P2RX6: variants seen among roughly 807,000 people sequenced by gnomAD.
P2RX6 encodes the protein P2X purinoceptor 6.
P2RX6 carries 62 observed loss-of-function variants against 54.2 expected under a neutral mutation model. The ratio of observed to expected loss-of-function variants is 1.14; its 90% confidence interval spans 0.93 to 1.41. P2RX6 has a LOEUF of 1.41. P2RX6 is among the 40% of genes most tolerant of loss of function. The pLI is 0.00. For missense variants in P2RX6, 541 were observed against 566.3 expected (o/e 0.96, Z 0.45); for synonymous variants, 211 against 231.9 (o/e 0.91, Z 0.82).
Position 21,026,169 on chromosome 22 carries a change from A to C in P2RX6, c.1051-83A>C. ...ATGCTGGAGCCTCCGGTGCCTGCACATTGAGTCTCGGGGTGCAGGCTGGGG... is the reference window on the plus strand; with the variant it reads ...ATGCTGGAGCCTCCGGTGCCTGCACCTTGAGTCTCGGGGTGCAGGCTGGGG... On this transcript the variant is annotated intron_variant, in intron 10 of 11. Transcript: ENST00000413302. The surrounding 1 kb of genome is among the most constrained non-coding windows in gnomAD (Gnocchi z 4.0). 1 of 1,522,946 alleles carries C rather than the reference A, an allele frequency of 6.6e-7. No individual in the cohort carries two copies. Among genetic ancestry groups the C allele is most frequent in the Non-Finnish European group, 8.9e-7 (1 of 1,118,284 alleles). 94.3% of individuals were successfully genotyped at this position (1,522,946 alleles called of 1,614,324 possible).
intron 4 of P2RX6, 72 bp from the exon 5 acceptor site, chr22:21,022,870 C>A: frequency 6.6e-7 from 1 of 1,513,934 alleles, no homozygotes; most frequent in Non-Finnish European, 9.1e-7. Flanking sequence ...TTTCTGCCAA[C>A]AACCCCCTGG....
At chr22:21,010,571 TAA>T (rs1925682815), upstream of P2RX6, among the ~76,000 whole-genome samples, 1 of 152,052 alleles carries the variant, frequency 6.6e-6, no homozygotes, top group South Asian at 2.1e-4. Context: ...GGCATTCCCC[TAA>T]GAGTTTGGTT....
rs1001013939 is a variant in P2RX6, at chr22:21,024,571, C to T, written c.890+953C>T. Among the ~76,000 whole-genome samples, 57 of 149,386 alleles carry T rather than the reference C, an allele frequency of 3.8e-4. 1 individual carries two copies. Among genetic ancestry groups the T allele is most frequent in the African/African-American group, 1.3e-3 (53 of 40,572 alleles). On this transcript the variant is annotated intron_variant, in intron 8 of 11. Coordinates refer to ENST00000413302, the MANE Select transcript of P2RX6 (RefSeq NM_005446.5). ...GATTACAGGCGTGAGCCACCACGCC[C>T]GACCTTTTTTTTTGAAACGGAGTTT...
At chr22:21,019,185 G>A (rs571504135) in intron 3 of P2RX6, among the ~76,000 whole-genome samples, 5 of 152,164 alleles carry the variant, frequency 3.3e-5, no homozygotes, top group Non-Finnish European at 7.3e-5. Flanking sequence ...CAACATTTAC[G>A]TGCCTCCTGG....
Position 21,025,873 on chromosome 22 carries a change from G to A in P2RX6, c.959G>A (p.Arg320His), listed in dbSNP as rs376675108. The A allele has an allele frequency of 5.1e-6, 8 of 1,575,302 alleles. No individual in the cohort carries two copies. Among genetic ancestry groups the A allele is most frequent in the South Asian group, 2.3e-5 (2 of 85,730 alleles). The change falls in exon 9 of 12, where the codon CGC becomes CAC. Residue 320 changes from arginine (R) to histidine (H), a missense_variant. Physicochemically the swap from Arg to His is conservative, Grantham distance 29. This residue lies in a region of P2RX6 where 526 missense variants were observed against 531.5 expected (regional missense o/e 0.99). Coordinates refer to ENST00000413302, the MANE Select transcript of P2RX6 (RefSeq NM_005446.5). ...ARTLLKLYGI[R>H]FDILVTGQAG... Reference sequence around the variant, plus strand: ...ACCCTGCTCAAGCTCTATGGAATCCGCTTCGACATCCTCGTCACCGGGCAG... The same window carrying A: ...ACCCTGCTCAAGCTCTATGGAATCCACTTCGACATCCTCGTCACCGGGCAG...
chr22:21,023,237 T>C lies in P2RX6; in HGVS notation c.639-38T>C, dbSNP rs377020977. 66 of 1,613,804 alleles carry C rather than the reference T, an allele frequency of 4.1e-5. 1 individual carries two copies. The highest frequency in any genetic ancestry group is 5.4e-5 in the Non-Finnish European group (64 of 1,179,852). On this transcript the variant is annotated intron_variant, in intron 6 of 11. Transcript: ENST00000413302. Reference sequence around the variant, plus strand: ...GTCTCATCTGCCCCAAGACCCTCCTTGTCCCCTACCTCATCTGACCTTTCC... The same window carrying C: ...GTCTCATCTGCCCCAAGACCCTCCTCGTCCCCTACCTCATCTGACCTTTCC...
In P2RX6 at chr22:21,023,564, C is replaced by T. The variant is rs777151113; in HGVS notation, c.836C>T (p.Ser279Phe). ...HWDCDLDTGD[S>F]GCWPHYSFQL... Reference sequence around the variant, plus strand: ...GATTGTGACCTGGACACCGGGGACTCTGGCTGCTGGCCTCACTACTCCTTC... The same window carrying T: ...GATTGTGACCTGGACACCGGGGACTTTGGCTGCTGGCCTCACTACTCCTTC... Residue 279 changes from serine (S) to phenylalanine (F), a missense_variant, in exon 8 of 12, where the codon TCT (serine) becomes TTT (phenylalanine). Coordinates refer to ENST00000413302, the MANE Select transcript of P2RX6 (RefSeq NM_005446.5). 38 of 1,613,452 alleles carry T rather than the reference C, an allele frequency of 2.4e-5. No homozygotes were observed. In the African/African-American group the frequency reaches 4.4e-4, roughly 19 times the overall value.
intron 2 of P2RX6, among the ~76,000 whole-genome samples, chr22:21,016,789 T>TCCCTCCAC (rs1450612074): frequency 3.9e-5 from 6 of 152,046 alleles, no homozygotes; most frequent in Non-Finnish European, 7.4e-5. Flanking sequence ...GGCTGCGTTT[T>TCCCTCCAC]CCTCCTCCCT....
In P2RX6 at chr22:21,026,213, C is replaced by T. The variant is rs1440380255; in HGVS notation, c.1051-39C>T. On this transcript the variant is annotated intron_variant, in intron 10 of 11. Coordinates refer to ENST00000413302, the MANE Select transcript of P2RX6 (RefSeq NM_005446.5). The surrounding 1 kb of genome is among the most constrained non-coding windows in gnomAD (Gnocchi z 4.0). ...GCTGGGGAGGTGGCAGGAGAGCAGG[C>T]TCGGGGGCTGGAACATGGGTTGGCC... The T allele has an allele frequency of 1.3e-6, 2 of 1,558,314 alleles. No individual in the cohort carries two copies. Among genetic ancestry groups the T allele is most frequent in the Non-Finnish European group, 1.7e-6 (2 of 1,149,824 alleles).
chr22:21,011,746 A>G (rs2147988180), upstream of P2RX6, among the ~76,000 whole-genome samples: 1 of 148,370 alleles, frequency 6.7e-6, no homozygotes, highest in Middle Eastern at 3.6e-3. Flanking sequence ...TCTGGCTCCC[A>G]ATGGCTGGGT....
chr22:21,016,465 T>C (rs1375965110), intron 2 of P2RX6, among the ~76,000 whole-genome samples: 1 of 151,660 alleles, frequency 6.6e-6, no homozygotes, highest in Admixed American at 6.6e-5. Flanking sequence ...GGTGGGCGCC[T>C]GTAGTCGCAG....
chr22:21,011,791 C>T (rs2147988244), upstream of P2RX6, among the ~76,000 whole-genome samples: 1 of 152,270 alleles, frequency 6.6e-6, no homozygotes, highest in Non-Finnish European at 1.5e-5. Context: ...CCCTGTGTGC[C>T]CACCAGCTTC....
intron 3 of P2RX6, among the ~76,000 whole-genome samples, chr22:21,019,435 C>T (rs1363954245): frequency 6.6e-6 from 1 of 152,156 alleles, no homozygotes; most frequent in African/African-American, 2.4e-5. Context: ...CCTGCTCACC[C>T]CCTGAGTAGC....
intron 8 of P2RX6, among the ~76,000 whole-genome samples, chr22:21,025,108 T>C (rs1200604846): frequency 6.6e-6 from 1 of 151,914 alleles, no homozygotes; most frequent in Admixed American, 6.6e-5. Flanking sequence ...CTCGAACTCC[T>C]GACCTCAGGT....
chr22:21,026,860 G>T lies in P2RX6; in HGVS notation c.*243G>T. On this transcript the variant is annotated 3_prime_UTR_variant, in exon 12 of 12. Transcript: ENST00000413302. The surrounding 1 kb of genome is among the most constrained non-coding windows in gnomAD (Gnocchi z 4.0). ...GACTGGGAGAGCCCAGCAGGCACCT[G>T]TATTGCAGGGCTCCGACTGCATGTG... 2.7e-6 allele frequency: 2 copies of T among 730,860 alleles called. No individual in the cohort carries two copies. The highest frequency in any genetic ancestry group is 4.3e-6 in the Non-Finnish European group (2 of 465,816). 45.3% of individuals were successfully genotyped at this position (730,860 alleles called of 1,614,324 possible).
chr22:21,018,545 T>C (rs766065716), intron 3 of P2RX6: 13 of 189,936 alleles, frequency 6.8e-5, no homozygotes, highest in South Asian at 2.2e-4. Flanking sequence ...GCAGCTTTCA[T>C]CTTTGTGGGC....
rs547223444 is a variant in P2RX6 at position 21,020,186 on chromosome 22, C to T, written c.387+2126C>T. The stretch of plus-strand genomic sequence containing the variant: ...GTTTGTAGACCGTTCTGAAATTTGG[C>T]TGGATCTGTGGGTCTGTGTTTTTCA... On this transcript the variant is annotated intron_variant, in intron 3 of 11. Coordinates refer to ENST00000413302, the MANE Select transcript of P2RX6 (RefSeq NM_005446.5). Among the ~76,000 whole-genome samples the T allele has an allele frequency of 1.3e-4, 20 of 152,328 alleles. No homozygotes were observed. The South Asian group carries it at 4.1e-3, about 32-fold the overall frequency.
chr22:21,012,549 C>T (rs1423486476), upstream of P2RX6: 6 of 620,840 alleles, frequency 9.7e-6, no homozygotes, highest in African/African-American at 1.9e-5. Context: ...TGCTTTTGCT[C>T]AGGGCACCTG....
In P2RX6 at chr22:21,023,349, G is replaced by C; in HGVS notation, c.713G>C (p.Cys238Ser). 2 of 1,613,922 alleles carry C rather than the reference G, an allele frequency of 1.2e-6. No homozygotes were observed. The highest frequency in any genetic ancestry group is 1.7e-6 in the Non-Finnish European group (2 of 1,179,878). The part of the protein sequence containing the change: ...CRYEPQFSPY[C>S]PVFRIGDLVA... The stretch of plus-strand genomic sequence containing the variant: ...TATGAACCACAATTCAGCCCCTACT[G>C]TCCCGTGTTCCGCATTGGGGACCTC... Residue 238 changes from cysteine (C) to serine (S), a missense_variant, in exon 7 of 12, where the codon TGT (cysteine) becomes TCT (serine). Physicochemically the swap from Cys to Ser is moderately radical, Grantham distance 112. Around this residue, in one of 2 missense-constraint regions of P2RX6, gnomAD observed 526 missense variants for 531.5 expected, o/e 0.99. Transcript: ENST00000413302.
Sources: gnomAD v4.1 joint callset for allele counts (sites outside exome capture counted in the v4.1 genomes callset) on GRCh38, gnomAD v4.1.1 for gene constraint, gnomAD v4.1.1 regional missense constraint, Gnocchi (gnomAD v3.1) non-coding constraint, MANE v1.5 for transcripts, NCBI Gene and HGNC (gene_info 2026-07-23, HGNC 2026-07-21) for gene names.